Variants in DPP10 observed in about 807,000 individuals in gnomAD.
DPP10 encodes the protein dipeptidyl peptidase like 10.
A neutral mutation model predicts 120.9 loss-of-function variants in DPP10; 33 were observed. The observed-to-expected ratio is 0.27, with a 90% CI of 0.21 to 0.37. The LOEUF (loss-of-function observed/expected upper bound fraction) is 0.37. DPP10 is among the 10% of genes least tolerant of loss of function. The probability of loss-of-function intolerance (pLI) is 1.00; values close to 1 mark genes in which losing one functional copy is unlikely to be tolerated. For synonymous variants in DPP10, 337 were observed against 326.1 expected (o/e 1.03, Z -0.36); for missense variants, 816 against 942.8 (o/e 0.87, Z 1.76).
At chr2:115,433,427 G>A (rs572470082) in intron 3 of DPP10, among the ~76,000 whole-genome samples, 6 of 151,970 alleles carry the variant, frequency 3.9e-5, no homozygotes, top group African/African-American at 7.2e-5. Flanking sequence ...GTGTGTTTCC[G>A]TGTGTGTAAA....
chr2:114,576,862 T>C (rs1690091878), intron 1 of DPP10, among the ~76,000 whole-genome samples: 6 of 149,850 alleles, frequency 4.0e-5, no homozygotes, highest in Admixed American at 1.3e-4. Flanking sequence ...TACCAATGAA[T>C]TGGGAAGAGT....
intron 1 of DPP10, among the ~76,000 whole-genome samples, chr2:115,205,349 A>T (rs777536778): frequency 6.6e-6 from 1 of 152,164 alleles, no homozygotes; most frequent in African/African-American, 2.4e-5. Context: ...TGAGAAGGGA[A>T]TTTTTTCTTT....
At chr2:115,483,758 G>A (rs999403656) in intron 3 of DPP10, among the ~76,000 whole-genome samples, 4 of 152,008 alleles carry the variant, frequency 2.6e-5, no homozygotes, top group Admixed American at 6.6e-5. Flanking sequence ...TGTAAATTCC[G>A]ACTGCTCCTT....
At chr2:115,106,877 C>T (rs1470214409) in intron 1 of DPP10, among the ~76,000 whole-genome samples, 1 of 152,028 alleles carries the variant, frequency 6.6e-6, no homozygotes, top group Non-Finnish European at 1.5e-5. Flanking sequence ...AGATCGAGAC[C>T]ATCCTGGCCA....
intron 5 of DPP10, among the ~76,000 whole-genome samples, chr2:115,677,079 C>T (rs887545151): frequency 2.6e-5 from 4 of 152,050 alleles, no homozygotes; most frequent in Non-Finnish European, 4.4e-5. Flanking sequence ...AGAAATATAA[C>T]ACTCAGGCAA....
chr2:115,212,199 G>A (rs1008138479), intron 1 of DPP10, among the ~76,000 whole-genome samples: 3 of 152,106 alleles, frequency 2.0e-5, no homozygotes, highest in African/African-American at 7.2e-5. Flanking sequence ...GTGCTTTAGA[G>A]AACATGCTGG....
intron 1 of DPP10, among the ~76,000 whole-genome samples, chr2:115,195,751 G>T (rs1467048159): frequency 6.6e-6 from 1 of 152,124 alleles, no homozygotes; most frequent in Non-Finnish European, 1.5e-5. Context: ...CCTTGGTTTT[G>T]CTTTATGCGC....
chr2:115,676,538 A>C (rs1310909696), intron 5 of DPP10, among the ~76,000 whole-genome samples: 1 of 152,164 alleles, frequency 6.6e-6, no homozygotes, highest in Non-Finnish European at 1.5e-5. Context: ...AAAATTGAAA[A>C]ATTAAATAAA....
intron 3 of DPP10, among the ~76,000 whole-genome samples, chr2:115,457,563 G>A (rs947828458): frequency 8.6e-5 from 13 of 152,018 alleles, no homozygotes; most frequent in Non-Finnish European, 1.6e-4. Flanking sequence ...ATGTGATTGG[G>A]TAATACATAC....
At chr2:114,797,477 G>A (rs926481543) in intron 1 of DPP10, among the ~76,000 whole-genome samples, 1 of 152,104 alleles carries the variant, frequency 6.6e-6, no homozygotes, top group African/African-American at 2.4e-5. Context: ...GATAACGTTG[G>A]AGCATTAACA....
At chr2:115,576,760 T>C (rs1009129640) in intron 5 of DPP10, among the ~76,000 whole-genome samples, 1 of 152,180 alleles carries the variant, frequency 6.6e-6, no homozygotes, top group Non-Finnish European at 1.5e-5. Flanking sequence ...AAAATTGAAG[T>C]CCATCCTCCA....
chr2:114,663,900 A>G (rs543942204), intron 1 of DPP10, among the ~76,000 whole-genome samples: 14 of 148,720 alleles, frequency 9.4e-5, no homozygotes, highest in Non-Finnish European at 1.3e-4. Flanking sequence ...CACCCTTAAC[A>G]TAATAAGCAC....
At chr2:114,633,045 A>G (rs1323810042) in intron 1 of DPP10, among the ~76,000 whole-genome samples, 1 of 151,854 alleles carries the variant, frequency 6.6e-6, no homozygotes, top group Non-Finnish European at 1.5e-5. Flanking sequence ...TTTCATGGGC[A>G]ATCATATTTA....
At chr2:115,522,721 T>G (rs1328146644) in intron 4 of DPP10, among the ~76,000 whole-genome samples, 1 of 152,142 alleles carries the variant, frequency 6.6e-6, no homozygotes, top group East Asian at 1.9e-4. Flanking sequence ...GCATCATTGC[T>G]GAGTAATGGC....
chr2:115,176,313 TTATA>T (rs2053688057), intron 1 of DPP10, among the ~76,000 whole-genome samples: 1 of 147,842 alleles, frequency 6.8e-6, no homozygotes, highest in African/African-American at 2.4e-5. Flanking sequence ...TATATATTTG[TTATA>T]TATAAACATT....
At chr2:115,675,069 C>T (rs1427694910) in intron 5 of DPP10, among the ~76,000 whole-genome samples, 1 of 152,118 alleles carries the variant, frequency 6.6e-6, no homozygotes, top group Non-Finnish European at 1.5e-5. Context: ...GCCAAGAGTT[C>T]TCTATTAACT....
At chr2:114,645,377 C>T (rs544614298) in intron 1 of DPP10, among the ~76,000 whole-genome samples, 1 of 152,274 alleles carries the variant, frequency 6.6e-6, no homozygotes, top group African/African-American at 2.4e-5. Context: ...GGTGGTAGGG[C>T]ATGGATTTTG....
chr2:115,179,204 T>A (rs2053909475), intron 1 of DPP10, among the ~76,000 whole-genome samples: 1 of 152,172 alleles, frequency 6.6e-6, no homozygotes, highest in Admixed American at 6.5e-5. Context: ...ATATTCATGT[T>A]AAGGAAACAA....
chr2:115,508,034 C>G (rs190571998), intron 4 of DPP10, among the ~76,000 whole-genome samples: 128 of 152,040 alleles, frequency 8.4e-4, no homozygotes, highest in African/African-American at 2.9e-3. Context: ...ATGGGTAATT[C>G]TATTTTGAAT....
Sources: allele counts gnomAD v4.1 joint callset (sites outside exome capture counted in the v4.1 genomes callset), GRCh38; gene constraint gnomAD v4.1.1; transcripts MANE v1.5; gene names NCBI Gene and HGNC (gene_info 2026-07-23, HGNC 2026-07-21).